Variants in DNM3 observed in about 807,000 individuals in gnomAD.
The protein encoded by DNM3 is dynamin-3.
DNM3 carries 47 observed loss-of-function variants against 101.6 expected under a neutral mutation model. That is an observed-to-expected ratio of 0.46 (90% CI 0.37 to 0.59). DNM3 has a LOEUF of 0.59. Among genes scored for constraint, DNM3 ranks in the 20% least tolerant of loss-of-function variants. The probability of loss-of-function intolerance (pLI) is 0.00; values close to 1 mark genes in which losing one functional copy is unlikely to be tolerated. For synonymous variants in DNM3, 385 were observed against 387.9 expected (o/e 0.99, Z 0.09); for missense variants, 849 against 1,085.7 (o/e 0.78, Z 3.06).
chr1:172,045,028 T>G (rs1208821383), intron 9 of DNM3, among the ~76,000 whole-genome samples: 1 of 151,312 alleles, frequency 6.6e-6, no homozygotes, highest in Non-Finnish European at 1.5e-5. Flanking sequence ...AGAAAGGGCT[T>G]TCCGGTGGAA....
intron 1 of DNM3, among the ~76,000 whole-genome samples, chr1:171,847,537 G>A (rs1208101902): frequency 2.0e-5 from 3 of 150,572 alleles, no homozygotes; most frequent in African/African-American, 2.4e-5. Context: ...GAGCAGCAAG[G>A]AAAAAAAAAG....
chr1:171,890,595 C>T (rs905720983), intron 1 of DNM3, among the ~76,000 whole-genome samples: 3 of 152,094 alleles, frequency 2.0e-5, no homozygotes, highest in Non-Finnish European at 2.9e-5. Context: ...CCAACTTCCA[C>T]TGGGAAAAGA....
At chr1:172,290,566 G>A (rs1295105775) in intron 15 of DNM3, among the ~76,000 whole-genome samples, 1 of 152,158 alleles carries the variant, frequency 6.6e-6, no homozygotes, top group Non-Finnish European at 1.5e-5. Flanking sequence ...CACTCGCCGT[G>A]AGAAGTGACT....
At chr1:171,932,877 T>G (rs2041136535) in intron 2 of DNM3, among the ~76,000 whole-genome samples, 1 of 152,196 alleles carries the variant, frequency 6.6e-6, no homozygotes, top group African/African-American at 2.4e-5. Flanking sequence ...GGGGACCTTT[T>G]GGTGAGTATA....
intron 18 of DNM3, among the ~76,000 whole-genome samples, chr1:172,383,675 T>C (rs560804379): frequency 1.3e-5 from 2 of 152,226 alleles, no homozygotes; most frequent in East Asian, 3.9e-4. Flanking sequence ...ATGGTCTCAG[T>C]CATAGAAAAG....
At chr1:172,104,764 T>A (rs899671196) in intron 13 of DNM3, among the ~76,000 whole-genome samples, 6 of 152,236 alleles carry the variant, frequency 3.9e-5, no homozygotes, top group Admixed American at 6.5e-5. Context: ...TCCTTATGTT[T>A]GTAGCATTTT....
intron 17 of DNM3, among the ~76,000 whole-genome samples, chr1:172,363,159 G>T (rs1463708043): frequency 1.3e-5 from 2 of 151,652 alleles, no homozygotes; most frequent in Non-Finnish European, 2.9e-5. Context: ...AGACAAATTT[G>T]TTTTTTTCTG....
intron 15 of DNM3, among the ~76,000 whole-genome samples, chr1:172,267,467 C>T (rs1426441100): frequency 1.3e-5 from 2 of 151,914 alleles, no homozygotes; most frequent in African/African-American, 4.8e-5. Flanking sequence ...GGAAATATTT[C>T]ATTTAGAAAG....
chr1:172,408,141 T>C lies in DNM3; in HGVS notation c.*300T>C, dbSNP rs1483731150. 1.7e-6 allele frequency: 2 copies of C among 1,157,184 alleles called. No individual in the cohort carries two copies. 71.7% of individuals were successfully genotyped at this position (1,157,184 alleles called of 1,614,324 possible). On this transcript the variant is annotated 3_prime_UTR_variant, in exon 21 of 21. Coordinates refer to ENST00000627582, the MANE Select transcript of DNM3 (RefSeq NM_015569.5). ...ACCATGGCATATATTTGAAATTGCT[T>C]TGGACAAGTTTTCTAGGCTATCTAC...
chr1:172,078,299 A>G (rs1393628883), intron 11 of DNM3, among the ~76,000 whole-genome samples: 3 of 152,106 alleles, frequency 2.0e-5, no homozygotes, highest in Non-Finnish European at 4.4e-5. Flanking sequence ...TCATCATATT[A>G]GCCAGGATGT....
intron 19 of DNM3, among the ~76,000 whole-genome samples, chr1:172,388,009 G>A (rs577144568): frequency 5.3e-5 from 8 of 152,232 alleles, no homozygotes; most frequent in South Asian, 4.1e-4. Context: ...CGAGGCAAGC[G>A]GATCACCTAA....
chr1:172,315,837 TC>T (rs1341174597), intron 16 of DNM3, among the ~76,000 whole-genome samples: 2 of 152,090 alleles, frequency 1.3e-5, no homozygotes, highest in Non-Finnish European at 2.9e-5. Flanking sequence ...CAGGAGAACT[TC>T]CCCAATCTAG....
chr1:172,070,593 G>T (rs1041087506), intron 11 of DNM3, among the ~76,000 whole-genome samples: 1 of 152,034 alleles, frequency 6.6e-6, no homozygotes, highest in Non-Finnish European at 1.5e-5. Context: ...TAGTAAAATG[G>T]CATGTTCAAA....
At chr1:171,928,221 C>T (rs1313011374) in intron 2 of DNM3, among the ~76,000 whole-genome samples, 1 of 152,156 alleles carries the variant, frequency 6.6e-6, no homozygotes, top group Non-Finnish European at 1.5e-5. Flanking sequence ...TTTTTCCTCA[C>T]AGTTGCAGCT....
In DNM3 at chr1:172,409,680, CTGTT is replaced by C; in HGVS notation, c.*1840_*1843del. On this transcript the variant is annotated 3_prime_UTR_variant, in exon 21 of 21. Transcript: ENST00000627582. ...AATAGTGTCTCAGCTAAATGGAAAA[CTGTT>C]AAGCAAACATCCATAGTAAAACAAA... The C allele has an allele frequency of 1.0e-6, 1 of 985,552 alleles. No homozygotes were observed. Among genetic ancestry groups the C allele is most frequent in the Non-Finnish European group, 1.2e-6 (1 of 829,714 alleles). The allele number at this position is 985,552 out of a possible 1,614,324, so 61.1% of individuals were successfully genotyped here. A position where few individuals can be genotyped will look rare whatever the true frequency, so the allele number is the denominator to read the frequency against.
chr1:172,405,490 G>A (rs1241595780), intron 20 of DNM3, among the ~76,000 whole-genome samples: 1 of 151,988 alleles, frequency 6.6e-6, no homozygotes. Context: ...AGAGAAGTCA[G>A]TTTCATTCCT....
chr1:172,030,704 GAAAA>G (rs961552193), intron 4 of DNM3, among the ~76,000 whole-genome samples: 1 of 151,020 alleles, frequency 6.6e-6, no homozygotes, highest in Admixed American at 6.6e-5. Context: ...AAATTTACAA[GAAAA>G]AAAACAAACA....
intron 15 of DNM3, among the ~76,000 whole-genome samples, chr1:172,276,557 A>AGTGTGTGTGTGTGTG (rs10528447): frequency 3.5e-5 from 5 of 144,262 alleles, no homozygotes; most frequent in South Asian, 2.3e-4. Context: ...AAAAATCTTA[A>AGTGTGTGTGTGTGTG]TGTGTGTGTG....
intron 14 of DNM3, chr1:172,133,503 A>G (rs2057052153): frequency 1.1e-6 from 1 of 874,086 alleles, no homozygotes; most frequent in Non-Finnish European, 1.4e-6. Flanking sequence ...AAATGGAATT[A>G]TTTAGATGAA....
Sources: allele counts gnomAD v4.1 joint callset (sites outside exome capture counted in the v4.1 genomes callset), GRCh38; gene constraint gnomAD v4.1.1; transcripts MANE v1.5; gene names NCBI Gene and HGNC (gene_info 2026-07-23, HGNC 2026-07-21).